COX7B2: variants seen among roughly 807,000 people sequenced by gnomAD.
The protein encoded by COX7B2 is cytochrome c oxidase subunit 7B2, mitochondrial.
For synonymous variants in COX7B2, 37 were observed against 32.1 expected, an observed-to-expected ratio of 1.15 and a Z score of -0.51; for missense variants, 109 against 95.9, an observed-to-expected ratio of 1.14 and a Z score of -0.57.
intron 2 of COX7B2, among the ~76,000 whole-genome samples, chr4:46,790,112 C>G (rs1054112574): frequency 6.6e-6 from 1 of 152,032 alleles, no homozygotes; most frequent in Non-Finnish European, 1.5e-5. Context: ...GCTATCTAAG[C>G]ATATCTTTAT....
chr4:46,843,451 T>C (rs1210043713), intron 2 of COX7B2, among the ~76,000 whole-genome samples: 2 of 152,150 alleles, frequency 1.3e-5, no homozygotes, highest in Middle Eastern at 3.4e-3. Flanking sequence ...ACAGTCATGA[T>C]TTTTACAAGT....
chr4:46,878,796 G>C (rs974429854), intron 1 of COX7B2, among the ~76,000 whole-genome samples: 8 of 152,092 alleles, frequency 5.3e-5, no homozygotes, highest in African/African-American at 1.9e-4. Flanking sequence ...TGAAGTAAAA[G>C]TCTACCCCTT....
intron 1 of COX7B2, among the ~76,000 whole-genome samples, chr4:46,873,500 T>A (rs1718131842): frequency 6.6e-6 from 1 of 152,214 alleles, no homozygotes. Flanking sequence ...GACTTTTTAA[T>A]GATCACCATT....
At chr4:46,823,428 T>C (rs1714445859) in intron 2 of COX7B2, among the ~76,000 whole-genome samples, 1 of 151,508 alleles carries the variant, frequency 6.6e-6, no homozygotes, top group African/African-American at 2.4e-5. Flanking sequence ...TTCTAGCCCA[T>C]AAGGGAATTA....
At chr4:46,905,923 G>C (rs1235161380) in intron 1 of COX7B2, among the ~76,000 whole-genome samples, 2 of 131,128 alleles carry the variant, frequency 1.5e-5, no homozygotes, top group Non-Finnish European at 3.1e-5. Flanking sequence ...TCCGCTTCCC[G>C]GGTTCACGCC....
At chr4:46,788,175 C>A (rs1235816469) in intron 2 of COX7B2, among the ~76,000 whole-genome samples, 1 of 152,138 alleles carries the variant, frequency 6.6e-6, no homozygotes, top group Non-Finnish European at 1.5e-5. Context: ...AAAGAAGCTC[C>A]ATATTGCATG....
At chr4:46,804,118 C>T (rs902474359) in intron 2 of COX7B2, among the ~76,000 whole-genome samples, 1 of 152,054 alleles carries the variant, frequency 6.6e-6, no homozygotes, top group Non-Finnish European at 1.5e-5. Flanking sequence ...GTGAGTGTCA[C>T]AGCTCTTAAG....
chr4:46,905,619 T>A (rs1720331467), intron 1 of COX7B2, among the ~76,000 whole-genome samples: 1 of 152,178 alleles, frequency 6.6e-6, no homozygotes, highest in South Asian at 2.1e-4. Flanking sequence ...CATTCCTGCC[T>A]TACAGAAAAG....
chr4:46,753,588 T>C (rs1424889159), intron 2 of COX7B2, among the ~76,000 whole-genome samples: 1 of 151,918 alleles, frequency 6.6e-6, no homozygotes, highest in Non-Finnish European at 1.5e-5. Flanking sequence ...ACTTAAATGT[T>C]AGACCTAAAA....
Position 46,736,138 on chromosome 4 carries a change from T to A in COX7B2, c.-49-897A>T, listed in dbSNP as rs555532039. On this transcript the variant is annotated intron_variant, in intron 2 of 2. Coordinates refer to ENST00000355591, the MANE Select transcript of COX7B2 (RefSeq NM_130902.3). ...ATCATTTTAGTATCATACAGAATAG[T>A]TTCAGTGCCCTAAAAAGCCCTCTGT... Among the ~76,000 whole-genome samples the A allele has an allele frequency of 3.3e-5, 5 of 152,286 alleles. No individual in the cohort carries two copies. In the South Asian group the frequency reaches 1.0e-3, roughly 32 times the overall value.
At chr4:46,852,778 G>T (rs1716770649) in intron 1 of COX7B2, among the ~76,000 whole-genome samples, 1 of 152,044 alleles carries the variant, frequency 6.6e-6, no homozygotes, top group Non-Finnish European at 1.5e-5. Context: ...GCAATGCTTT[G>T]CCATCTTGTT....
chr4:46,862,137 G>C (rs1373886710), intron 1 of COX7B2, among the ~76,000 whole-genome samples: 2 of 152,134 alleles, frequency 1.3e-5, no homozygotes, highest in Non-Finnish European at 2.9e-5. Context: ...GGCACCCCTA[G>C]AACAATCCTA....
chr4:46,901,989 T>C (rs1720093256), intron 1 of COX7B2, among the ~76,000 whole-genome samples: 1 of 152,218 alleles, frequency 6.6e-6, no homozygotes, highest in African/African-American at 2.4e-5. Context: ...CTTCTCAGCC[T>C]CCACAATTGC....
intron 2 of COX7B2, among the ~76,000 whole-genome samples, chr4:46,786,552 A>G (rs1451195134): frequency 3.3e-5 from 5 of 152,168 alleles, no homozygotes; most frequent in Non-Finnish European, 4.4e-5. Context: ...TACAATATCT[A>G]TCTTCCATTT....
chr4:46,832,097 G>C (rs1478863223), intron 2 of COX7B2, among the ~76,000 whole-genome samples: 1 of 152,174 alleles, frequency 6.6e-6, no homozygotes, highest in Non-Finnish European at 1.5e-5. Flanking sequence ...AGCTGCCCCA[G>C]CCAGCAGTGG....
At chr4:46,751,072 C>T (rs1214181360) in intron 2 of COX7B2, among the ~76,000 whole-genome samples, 1 of 152,166 alleles carries the variant, frequency 6.6e-6, no homozygotes, top group Non-Finnish European at 1.5e-5. Flanking sequence ...ATCTCCTATT[C>T]ACTTTCTACA....
intron 2 of COX7B2, among the ~76,000 whole-genome samples, chr4:46,781,723 G>A (rs1717461406): frequency 6.6e-6 from 1 of 152,244 alleles, no homozygotes; most frequent in Non-Finnish European, 1.5e-5. Flanking sequence ...GCGCTCACCA[G>A]CCAGCATGAG....
chr4:46,747,041 CCAAA>C (rs1715060784), intron 2 of COX7B2, among the ~76,000 whole-genome samples: 1 of 151,992 alleles, frequency 6.6e-6, no homozygotes, highest in Non-Finnish European at 1.5e-5. Flanking sequence ...GACATCTTTC[CCAAA>C]CAAACAGACC....
intron 2 of COX7B2, among the ~76,000 whole-genome samples, chr4:46,828,630 C>A (rs1228402412): frequency 6.6e-6 from 1 of 151,818 alleles, no homozygotes; most frequent in Admixed American, 6.6e-5. Flanking sequence ...CAGGCAATAA[C>A]GAAAAGAAGA....
Sources: gnomAD v4.1 joint callset for allele counts (sites outside exome capture counted in the v4.1 genomes callset) on GRCh38, gnomAD v4.1.1 for gene constraint, MANE v1.5 for transcripts, NCBI Gene and HGNC (gene_info 2026-07-23, HGNC 2026-07-21) for gene names.